Variants in THSD7B observed in about 807,000 individuals in gnomAD.
THSD7B encodes thrombospondin type 1 domain containing 7B.
Under a neutral mutation model 213.6 loss-of-function variants are expected in THSD7B, and 138 were observed. The observed-to-expected ratio is 0.65, with a 90% confidence interval of 0.56 to 0.74. The LOEUF (loss-of-function observed/expected upper bound fraction) is 0.74. THSD7B is among the 30% of genes least tolerant of loss of function. The pLI, the probability that THSD7B is intolerant of heterozygous loss-of-function variation, is 0.00. For missense variants in THSD7B, 1,931 were observed against 1,991.5 expected (o/e 0.97, Z 0.58); for synonymous variants, 742 against 687.0 (o/e 1.08, Z -1.25).
At chr2:137,264,917 G>T (rs954689508) in intron 10 of THSD7B, among the ~76,000 whole-genome samples, 4 of 151,560 alleles carry the variant, frequency 2.6e-5, no homozygotes, top group Admixed American at 2.6e-4. Context: ...ATGCTGGTGC[G>T]CTGCACCCAC....
At chr2:137,593,409 T>C (rs1681901910) in intron 17 of THSD7B, among the ~76,000 whole-genome samples, 1 of 152,012 alleles carries the variant, frequency 6.6e-6, no homozygotes, top group Non-Finnish European at 1.5e-5. Context: ...TCAATTTTAA[T>C]ACAACCTCAT....
intron 2 of THSD7B, among the ~76,000 whole-genome samples, chr2:136,928,334 T>C (rs185809074): frequency 1.3e-5 from 2 of 152,232 alleles, no homozygotes; most frequent in Admixed American, 1.3e-4. Flanking sequence ...TGGTTTCTAC[T>C]AAGCACATAT....
At chr2:137,354,489 A>AT (rs1244498499) in intron 12 of THSD7B, among the ~76,000 whole-genome samples, 2 of 152,268 alleles carry the variant, frequency 1.3e-5, no homozygotes, top group East Asian at 3.9e-4. Flanking sequence ...TATTAAAATC[A>AT]TTCCCTAAGC....
At chr2:137,550,358 G>A (rs779604824) in intron 15 of THSD7B, among the ~76,000 whole-genome samples, 155 of 152,078 alleles carry the variant, frequency 1.0e-3, no homozygotes, top group Non-Finnish European at 1.2e-3. Context: ...CTGATTGAGT[G>A]CCCCTTACTG....
chr2:136,788,532 A>C (rs1681909275), intron 1 of THSD7B, among the ~76,000 whole-genome samples: 1 of 152,176 alleles, frequency 6.6e-6, no homozygotes, highest in South Asian at 2.1e-4. Context: ...TCAGGAAAAA[A>C]ATATTCTTTT....
Position 137,272,520 on chromosome 2 carries a change from T to C in THSD7B, c.2267-13T>C, listed in dbSNP as rs534459448. On this transcript the variant is annotated splice_polypyrimidine_tract_variant and intron_variant, in intron 10 of 27. Coordinates refer to ENST00000409968, the MANE Select transcript of THSD7B (RefSeq NM_001316349.2). Reference sequence around the variant, plus strand: ...AAAGGGCACTATATAATTTTCTTTTTCCTTTACTTCAGGAAATGCCACAGT... The same window carrying C: ...AAAGGGCACTATATAATTTTCTTTTCCCTTTACTTCAGGAAATGCCACAGT... 2.8e-5 allele frequency: 44 copies of C among 1,593,328 alleles called. No individual in the cohort carries two copies. In the Admixed American group the frequency reaches 7.8e-4, roughly 28 times the overall value.
intron 2 of THSD7B, among the ~76,000 whole-genome samples, chr2:136,933,827 A>C (rs1232434067): frequency 6.6e-6 from 1 of 152,158 alleles, no homozygotes; most frequent in African/African-American, 2.4e-5. Context: ...ACCTAACTGA[A>C]AATTTTATTC....
intron 14 of THSD7B, among the ~76,000 whole-genome samples, chr2:137,413,860 G>T (rs1686729603): frequency 6.6e-6 from 1 of 152,194 alleles, no homozygotes; most frequent in Admixed American, 6.5e-5. Context: ...GAAGGAAGCT[G>T]CTGGGAAACT....
At chr2:137,520,780 T>C (rs995800786) in intron 15 of THSD7B, among the ~76,000 whole-genome samples, 1 of 152,238 alleles carries the variant, frequency 6.6e-6, no homozygotes, top group Non-Finnish European at 1.5e-5. Context: ...ACATTCAACA[T>C]TAAATTGCAA....
intron 1 of THSD7B, among the ~76,000 whole-genome samples, chr2:136,880,964 C>A (rs1335757165): frequency 6.6e-6 from 1 of 152,122 alleles, no homozygotes; most frequent in African/African-American, 2.4e-5. Flanking sequence ...GGCTCCCAAC[C>A]TATGTTTTAA....
At chr2:137,012,683 G>T (rs2104835493) in intron 2 of THSD7B, among the ~76,000 whole-genome samples, 1 of 152,326 alleles carries the variant, frequency 6.6e-6, no homozygotes, top group Non-Finnish European at 1.5e-5. Flanking sequence ...CATTTGAGAA[G>T]TGTAGGACAA....
chr2:137,468,208 A>G (rs1428584054), intron 15 of THSD7B, among the ~76,000 whole-genome samples: 1 of 152,178 alleles, frequency 6.6e-6, no homozygotes. Context: ...AAGAGCCTGT[A>G]TTTATGAAAA....
chr2:136,778,587 A>G (rs747331191), intron 1 of THSD7B, among the ~76,000 whole-genome samples: 3 of 152,218 alleles, frequency 2.0e-5, no homozygotes, highest in Non-Finnish European at 4.4e-5. Flanking sequence ...AAATATTTTG[A>G]TGCATCTTTT....
chr2:136,769,112 C>T (rs746271098), intron 1 of THSD7B, among the ~76,000 whole-genome samples: 8 of 152,066 alleles, frequency 5.3e-5, no homozygotes, highest in Non-Finnish European at 7.4e-5. Context: ...ATTTTGTGGA[C>T]GTTTTAGTAG....
At chr2:137,085,976 G>A (rs993522389) in intron 3 of THSD7B, among the ~76,000 whole-genome samples, 3 of 152,180 alleles carry the variant, frequency 2.0e-5, no homozygotes, top group Non-Finnish European at 4.4e-5. Flanking sequence ...CTGTATGTCT[G>A]TTGTCAACAT....
Position 137,206,389 on chromosome 2 carries a change from G to A in THSD7B, c.1724-24655G>A, listed in dbSNP as rs191084700. 2.2e-4 allele frequency among the ~76,000 whole-genome samples: 34 copies of A among 152,192 alleles called. 2 individuals carry two copies. Among genetic ancestry groups the A allele is most frequent in the Non-Finnish European group, 1.3e-4 (9 of 67,984 alleles). Reference sequence around the variant, plus strand: ...AATGAGGAAGAAAGAATAAGCGTGAGAGTGTTTAAAGTCCCAAATACACAA... The same window carrying A: ...AATGAGGAAGAAAGAATAAGCGTGAAAGTGTTTAAAGTCCCAAATACACAA... On this transcript the variant is annotated intron_variant, in intron 7 of 27. Transcript: ENST00000409968.
intron 15 of THSD7B, among the ~76,000 whole-genome samples, chr2:137,496,775 C>T (rs958992840): frequency 2.0e-5 from 3 of 152,130 alleles, no homozygotes; most frequent in African/African-American, 7.2e-5. Context: ...TAATTTCTTT[C>T]TGTAGAGTTG....
intron 7 of THSD7B, among the ~76,000 whole-genome samples, chr2:137,199,257 A>G (rs1680830141): frequency 6.6e-6 from 1 of 152,206 alleles, no homozygotes; most frequent in South Asian, 2.1e-4. Context: ...TCTAAAAAAT[A>G]TATCGAAAGA....
intron 2 of THSD7B, among the ~76,000 whole-genome samples, chr2:137,022,006 G>C (rs1453962138): frequency 3.3e-5 from 5 of 152,108 alleles, no homozygotes; most frequent in African/African-American, 4.8e-5. Flanking sequence ...TCTCCATGCT[G>C]TTACATGTAT....
Sources: allele counts gnomAD v4.1 joint callset (sites outside exome capture counted in the v4.1 genomes callset), GRCh38; gene constraint gnomAD v4.1.1; transcripts MANE v1.5; gene names NCBI Gene and HGNC (gene_info 2026-07-23, HGNC 2026-07-21).